PDCD11: variants seen among roughly 807,000 people sequenced by gnomAD.
PDCD11 encodes the protein programmed cell death 11.
PDCD11 carries 97 observed loss-of-function variants against 198.9 expected under a neutral mutation model. That is an observed-to-expected ratio of 0.49 (90% confidence interval 0.41 to 0.58). PDCD11 has a LOEUF of 0.58. Among genes scored for constraint, PDCD11 ranks in the 20% least tolerant of loss-of-function variants. The pLI is 0.00. For missense variants in PDCD11, 2,102 were observed against 2,312.7 expected (o/e 0.91, Z 1.87); for synonymous variants, 893 against 918.0 (o/e 0.97, Z 0.49).
In PDCD11 at chr10:103,425,440, GA is replaced by G; in HGVS notation, c.3221del (p.Glu1074GlyfsTer9). The G allele has an allele frequency of 6.2e-7, 1 of 1,614,056 alleles. No individual in the cohort carries two copies. Among genetic ancestry groups the G allele is most frequent in the African/African-American group, 1.3e-5 (1 of 75,000 alleles). On this transcript the variant is annotated frameshift_variant, in exon 20 of 36. Transcript: ENST00000369797. LOFTEE classifies it high-confidence loss of function. Reference protein sequence around the residue: ...HASHILDDVPEGTSPTTKLKV... With the variant: ...HASHILDDVPXGTSPTTKLKV... ...CTCCCACATTCTAGATGATGTTCCAGAGGGCACCTCTCCTACTACCAAGCTG... is the reference window on the plus strand; with the variant it reads ...CTCCCACATTCTAGATGATGTTCCAGGGGCACCTCTCCTACTACCAAGCTG...
At position 103,400,547 on chromosome 10, in the gene PDCD11, T is replaced by C; in HGVS notation, c.234+19T>C. 6.2e-7 allele frequency: 1 copy of C among 1,603,704 alleles called. No homozygotes were observed. Among genetic ancestry groups the C allele is most frequent in the Non-Finnish European group, 8.5e-7 (1 of 1,175,756 alleles). On this transcript the variant is annotated intron_variant, in intron 3 of 35. Transcript: ENST00000369797. ...TGTTGAGGTTTGTTAAAGTTGGTTT[T>C]CATTTAAACAATCGACCTTGGTTGC...
intron 17 of PDCD11, among the ~76,000 whole-genome samples, chr10:103,422,356 C>T (rs1008394710): frequency 6.6e-6 from 1 of 151,766 alleles, no homozygotes; most frequent in South Asian, 2.1e-4. Context: ...GCTGGGATTA[C>T]AGGCGTGAGC....
chr10:103,429,686 A>G (rs1339422820), intron 21 of PDCD11, among the ~76,000 whole-genome samples: 1 of 152,138 alleles, frequency 6.6e-6, no homozygotes, highest in Non-Finnish European at 1.5e-5. Context: ...TTTCAGGTAT[A>G]CATTACCTGA....
chr10:103,427,256 G>A (rs2031734561), intron 20 of PDCD11, 73 bp from the exon 21 acceptor site: 2 of 1,341,338 alleles, frequency 1.5e-6, no homozygotes, highest in Non-Finnish European at 2.1e-6. Flanking sequence ...TGGAGAGTAG[G>A]GAGAAATCCT....
At chr10:103,418,765 C>A (rs1035046233) in intron 15 of PDCD11, 131 bp downstream of exon 15, 45 of 742,562 alleles carry the variant, frequency 6.1e-5, no homozygotes, top group Non-Finnish European at 9.1e-5. Flanking sequence ...AGTGATGAAG[C>A]CTGTGCTATG....
intron 20 of PDCD11, among the ~76,000 whole-genome samples, chr10:103,426,589 G>A (rs2031703627): frequency 6.6e-6 from 1 of 152,138 alleles, no homozygotes; most frequent in African/African-American, 2.4e-5. Flanking sequence ...GAGATCAGGA[G>A]TTCAAGACTA....
In PDCD11 at chr10:103,434,842, G is replaced by T; in HGVS notation, c.3712G>T (p.Val1238Leu). The part of the protein sequence containing the change: ...EEGEVAMGRV[V>L]KVTPNEGLTV... Reference sequence around the variant, plus strand: ...AGGGGAAGTGGCCATGGGCCGAGTGGTGAAGGTGACTCCCAACGAGGGGCT... The same window carrying T: ...AGGGGAAGTGGCCATGGGCCGAGTGTTGAAGGTGACTCCCAACGAGGGGCT... Residue 1238 changes from valine to leucine, a missense_variant, in exon 25 of 36, where the codon GTG becomes TTG. Val to Leu is a conservative substitution (Grantham distance 32, BLOSUM62 1). Coordinates refer to ENST00000369797, the MANE Select transcript of PDCD11 (RefSeq NM_014976.2). 3 of 1,612,450 alleles carry T rather than the reference G, an allele frequency of 1.9e-6. No homozygotes were observed. Among genetic ancestry groups the T allele is most frequent in the Non-Finnish European group, 2.5e-6 (3 of 1,179,296 alleles).
In PDCD11 at chr10:103,398,247, A is replaced by G. The variant is rs76145370; in HGVS notation, c.-11-169A>G. 4.1e-3 allele frequency among the ~76,000 whole-genome samples: 625 copies of G among 152,354 alleles called. 3 individuals are homozygous for G. Among genetic ancestry groups the G allele is most frequent in the Non-Finnish European group, 6.7e-3 (459 of 68,032 alleles). On this transcript the variant is annotated intron_variant, in intron 1 of 35. Coordinates refer to ENST00000369797, the MANE Select transcript of PDCD11 (RefSeq NM_014976.2). ...TGGTTTTGAAGCAGAGACCTTTGGA[A>G]AGATGAAGTATGGATTATTCCGGGC...
intron 1 of PDCD11, 34 bp from the exon 2 acceptor site, chr10:103,398,379 GACA>G (rs1443681501): frequency 2.3e-6 from 3 of 1,285,514 alleles, no homozygotes; most frequent in African/African-American, 1.5e-5. Context: ...CTGCTACCAA[GACA>G]ACATGTCACC....
At position 103,438,783 on chromosome 10, in the gene PDCD11, AT is replaced by A. The variant is rs753156785; in HGVS notation, c.4001del (p.Ile1334ThrfsTer58). ...GQLLRGYVGS[I>X]QPHGVFFRLG... ...GCTTCTGAGGGGCTATGTAGGGTCC[AT>A]CCAGCCACACGGTGTGTTCTTTCGG... On this transcript the variant is annotated frameshift_variant, in exon 27 of 36. Coordinates refer to ENST00000369797, the MANE Select transcript of PDCD11 (RefSeq NM_014976.2). LOFTEE classifies it high-confidence loss of function. The A allele has an allele frequency of 6.2e-7, 1 of 1,614,048 alleles. No homozygotes were observed. Among genetic ancestry groups the A allele is most frequent in the African/African-American group, 1.3e-5 (1 of 74,930 alleles).
rs1371572585 is a variant in PDCD11 at position 103,400,494 on chromosome 10, C to A, written c.200C>A (p.Ser67Tyr). 1 of 1,613,840 alleles carries A rather than the reference C, an allele frequency of 6.2e-7. No homozygotes were observed. The highest frequency in any genetic ancestry group is 8.5e-7 in the Non-Finnish European group (1 of 1,179,930). The change falls in exon 3 of 36, where the codon TCC becomes TAC. Residue 67 changes from serine (S) to tyrosine (Y), a missense_variant. Coordinates refer to ENST00000369797, the MANE Select transcript of PDCD11 (RefSeq NM_014976.2). ...LKIEKRESSKSAREKFEILSV... is the reference protein window; with the variant it reads ...LKIEKRESSKYAREKFEILSV... ...ATCGAAAAGAGAGAAAGCAGCAAGT[C>A]CGCAAGAGAGAAGTTTGAAATCCTT... is the stretch of plus-strand genomic sequence containing the variant.
At chr10:103,428,161 C>T (rs1400514545) in intron 21 of PDCD11, among the ~76,000 whole-genome samples, 2 of 151,912 alleles carry the variant, frequency 1.3e-5, no homozygotes, top group African/African-American at 2.4e-5. Context: ...CAAAATTAGC[C>T]GGGTGTGGTG....
In PDCD11 at chr10:103,414,255, T is replaced by A; in HGVS notation, c.1311-15T>A. On this transcript the variant is annotated splice_polypyrimidine_tract_variant and intron_variant, in intron 10 of 35. Coordinates refer to ENST00000369797, the MANE Select transcript of PDCD11 (RefSeq NM_014976.2). The stretch of plus-strand genomic sequence containing the variant: ...GCCCTAGTTTATTTAATTCTGTGTT[T>A]TCTCCTTGTCCTAGGTCTATTATTG... 1 of 1,611,814 alleles carries A rather than the reference T, an allele frequency of 6.2e-7. No individual in the cohort carries two copies. The highest frequency in any genetic ancestry group is 8.5e-7 in the Non-Finnish European group (1 of 1,178,224).
At chr10:103,428,300 G>A (rs1263822674) in intron 21 of PDCD11, among the ~76,000 whole-genome samples, 2 of 126,722 alleles carry the variant, frequency 1.6e-5, no homozygotes, top group African/African-American at 3.4e-5. Context: ...AGCGAAAGCC[G>A]TCTCAAAAGA....
chr10:103,431,538 C>T (rs189294694), intron 21 of PDCD11, among the ~76,000 whole-genome samples: 4 of 151,624 alleles, frequency 2.6e-5, no homozygotes, highest in East Asian at 3.9e-4. Flanking sequence ...GTTGCAGTGA[C>T]CCGAGATTGT....
Position 103,425,511 on chromosome 10 carries a change from C to G in PDCD11, c.3291C>G (p.Asp1097Glu). The change falls in exon 20 of 36, where the codon GAC (aspartate) becomes GAG (glutamate). Residue 1097 changes from aspartate (D) to glutamate (E), a missense_variant. Transcript: ENST00000369797. ...TVTARVIGGR[D>E]MKTFKYLPIS... ...CTGCCCGAGTGATTGGCGGGCGAGA[C>G]ATGAAGACATTCAAGTATGGAGGCT... is the stretch of plus-strand genomic sequence containing the variant. The G allele has an allele frequency of 6.2e-7, 1 of 1,607,772 alleles. No individual in the cohort carries two copies. Among genetic ancestry groups the G allele is most frequent in the Admixed American group, 1.7e-5 (1 of 59,902 alleles).
At chr10:103,443,821 C>T in intron 33 of PDCD11, 94 bp from the exon 34 acceptor site, 2 of 1,297,956 alleles carry the variant, frequency 1.5e-6, no homozygotes, top group East Asian at 4.7e-5. Context: ...TGTCTGGGAG[C>T]CCAGGTCTAG....
Position 103,442,601 on chromosome 10 carries a change from T to C in PDCD11, c.4955+141T>C, listed in dbSNP as rs552364973. On this transcript the variant is annotated intron_variant, in intron 32 of 35. Coordinates refer to ENST00000369797, the MANE Select transcript of PDCD11 (RefSeq NM_014976.2). ...CAGGGGCCCATGGGTCCTCAGGCTT[T>C]CTGCCATAGCTGCGGCCATCTGTGA... 1.5e-4 allele frequency: 126 copies of C among 830,932 alleles called. No individual in the cohort carries two copies. The East Asian group carries it at 2.5e-3, about 16-fold the overall frequency. 51.5% of individuals were successfully genotyped at this position (830,932 alleles called of 1,614,324 possible).
At chr10:103,409,635 A>C in intron 7 of PDCD11, 64 bp from the exon 8 acceptor site, 1 of 1,062,558 alleles carries the variant, frequency 9.4e-7, no homozygotes, top group Non-Finnish European at 1.5e-6. Context: ...TACTGTGAGC[A>C]ATGTCTCACA....
Sources: allele counts gnomAD v4.1 joint callset (sites outside exome capture counted in the v4.1 genomes callset), GRCh38; gene constraint gnomAD v4.1.1; transcripts MANE v1.5; gene names NCBI Gene and HGNC (gene_info 2026-07-23, HGNC 2026-07-21).